Variants in GABRB1 observed in about 807,000 individuals in gnomAD.
GABRB1 encodes gamma-aminobutyric acid receptor subunit beta-1.
In GABRB1, 17 loss-of-function variants were observed where a neutral mutation model predicts 51.6. That is an observed-to-expected ratio of 0.33 (90% CI 0.23 to 0.49). The LOEUF is 0.49. GABRB1 is among the 20% of genes least tolerant of loss of function. The probability of loss-of-function intolerance (pLI) is 0.99; values close to 1 mark genes in which losing one functional copy is unlikely to be tolerated. For missense variants in GABRB1, 410 were observed against 600.6 expected (o/e 0.68, Z 3.32); for synonymous variants, 247 against 218.9 (o/e 1.13, Z -1.14).
intron 4 of GABRB1, among the ~76,000 whole-genome samples, chr4:47,184,373 GT>G (rs1163040080): frequency 6.6e-6 from 1 of 151,908 alleles, no homozygotes; most frequent in Admixed American, 6.6e-5. Flanking sequence ...GAACTGGTAT[GT>G]TTCTAACATG....
chr4:47,426,164 C>A lies in GABRB1; in HGVS notation c.*146C>A. On this transcript the variant is annotated 3_prime_UTR_variant, in exon 9 of 9. Transcript: ENST00000295454. ...TAGGTCTTGCATATCAGTTTTATTA[C>A]TGCACCATGTTTACTTCAAAAAGAC... is the stretch of plus-strand genomic sequence containing the variant. The A allele has an allele frequency of 1.7e-6, 1 of 598,472 alleles. No homozygotes were observed. Among genetic ancestry groups the A allele is most frequent in the Non-Finnish European group, 2.8e-6 (1 of 356,162 alleles). 37.1% of individuals were successfully genotyped at this position (598,472 alleles called of 1,614,324 possible).
At chr4:47,194,041 C>T (rs1361429726) in intron 4 of GABRB1, among the ~76,000 whole-genome samples, 1 of 152,156 alleles carries the variant, frequency 6.6e-6, no homozygotes, top group East Asian at 1.9e-4. Flanking sequence ...TACCCTGCTT[C>T]TCTTTAAATT....
chr4:47,198,548 G>T (rs950624381), intron 4 of GABRB1, among the ~76,000 whole-genome samples: 4 of 152,076 alleles, frequency 2.6e-5, no homozygotes, highest in African/African-American at 9.7e-5. Flanking sequence ...ACAAACTGTT[G>T]GTAGAAATAT....
At chr4:47,144,777 C>T (rs1717084097) in intron 3 of GABRB1, among the ~76,000 whole-genome samples, 1 of 151,240 alleles carries the variant, frequency 6.6e-6, no homozygotes, top group African/African-American at 2.4e-5. Context: ...TTAGGGAAAC[C>T]ATCACAACTA....
intron 3 of GABRB1, among the ~76,000 whole-genome samples, chr4:47,070,558 C>T (rs1727291830): frequency 6.6e-6 from 1 of 152,072 alleles, no homozygotes; most frequent in African/African-American, 2.4e-5. Flanking sequence ...TCTCGAACTC[C>T]TGACCTCAGG....
chr4:47,255,861 A>T (rs538338510), intron 4 of GABRB1, among the ~76,000 whole-genome samples: 14 of 152,216 alleles, frequency 9.2e-5, no homozygotes, highest in Non-Finnish European at 1.8e-4. Context: ...GCACTGGGGG[A>T]CTACAGGGAC....
intron 4 of GABRB1, among the ~76,000 whole-genome samples, chr4:47,288,221 A>C (rs1447950376): frequency 6.6e-6 from 1 of 151,550 alleles, no homozygotes; most frequent in Non-Finnish European, 1.5e-5. Context: ...AGCACCTTGA[A>C]CCTTGAGAAC....
At chr4:47,345,771 C>G (rs910240007) in intron 5 of GABRB1, among the ~76,000 whole-genome samples, 1 of 152,034 alleles carries the variant, frequency 6.6e-6, no homozygotes, top group South Asian at 2.1e-4. Context: ...TGGTTATAGT[C>G]GAAATACAGG....
chr4:47,378,438 TCCA>T (rs1727472432), intron 5 of GABRB1, among the ~76,000 whole-genome samples: 1 of 151,944 alleles, frequency 6.6e-6, no homozygotes, highest in Non-Finnish European at 1.5e-5. Flanking sequence ...CACCTCTCCC[TCCA>T]CACCTCCCTG....
upstream of GABRB1, chr4:47,031,313 A>C (rs1032308377): frequency 1.0e-5 from 3 of 291,236 alleles, no homozygotes; most frequent in African/African-American, 6.6e-5. Context: ...CAGTAAAAAA[A>C]ACAAAATCAG....
intron 5 of GABRB1, among the ~76,000 whole-genome samples, chr4:47,401,671 T>C (rs1280961441): frequency 1.3e-5 from 2 of 152,168 alleles, no homozygotes; most frequent in Non-Finnish European, 2.9e-5. Flanking sequence ...TGAATTGGAA[T>C]TGGAAAGGAA....
At chr4:47,098,986 T>C (rs1712455043) in intron 3 of GABRB1, among the ~76,000 whole-genome samples, 1 of 152,120 alleles carries the variant, frequency 6.6e-6, no homozygotes, top group Non-Finnish European at 1.5e-5. Flanking sequence ...GCAAAAAATC[T>C]GATTTCCAAT....
chr4:47,054,220 T>C (rs1044416036), intron 3 of GABRB1, among the ~76,000 whole-genome samples: 1 of 152,078 alleles, frequency 6.6e-6, no homozygotes, highest in Non-Finnish European at 1.5e-5. Flanking sequence ...CCTTGAACAG[T>C]TACAGGCAGA....
chr4:47,135,121 GA>G (rs1364913942), intron 3 of GABRB1, among the ~76,000 whole-genome samples: 1 of 151,712 alleles, frequency 6.6e-6, no homozygotes, highest in Admixed American at 6.6e-5. Flanking sequence ...TTCTGTCTCA[GA>G]AAAAAAACAT....
At chr4:47,193,174 G>T (rs1324679101) in intron 4 of GABRB1, among the ~76,000 whole-genome samples, 1 of 152,130 alleles carries the variant, frequency 6.6e-6, no homozygotes, top group African/African-American at 2.4e-5. Flanking sequence ...TATTAAGACG[G>T]AGTTTCACTC....
chr4:47,242,847 T>A (rs1169364715), intron 4 of GABRB1, among the ~76,000 whole-genome samples: 1 of 152,262 alleles, frequency 6.6e-6, no homozygotes, highest in Non-Finnish European at 1.5e-5. Context: ...GTCTGTTCAC[T>A]CTGAAGGTAG....
intron 1 of GABRB1, among the ~76,000 whole-genome samples, chr4:47,006,336 T>C (rs1418904398): frequency 2.6e-5 from 4 of 152,064 alleles, no homozygotes; most frequent in East Asian, 3.8e-4. Context: ...ACTATACATA[T>C]ATAATACATA....
At chr4:47,136,247 C>G (rs1451830866) in intron 3 of GABRB1, among the ~76,000 whole-genome samples, 1 of 152,130 alleles carries the variant, frequency 6.6e-6, no homozygotes, top group African/African-American at 2.4e-5. Context: ...TGACCTCTGT[C>G]TTCGAGAGTG....
intron 8 of GABRB1, among the ~76,000 whole-genome samples, chr4:47,408,565 T>C (rs1728652360): frequency 6.6e-6 from 1 of 152,206 alleles, no homozygotes; most frequent in Non-Finnish European, 1.5e-5. Context: ...TGTTCAGCGC[T>C]ATGGGGAGAG....
Sources: gnomAD v4.1 joint callset for allele counts (sites outside exome capture counted in the v4.1 genomes callset) on GRCh38, gnomAD v4.1.1 for gene constraint, MANE v1.5 for transcripts, NCBI Gene and HGNC (gene_info 2026-07-23, HGNC 2026-07-21) for gene names.